CACNA1B: variants seen among roughly 807,000 people sequenced by gnomAD.
CACNA1B encodes calcium voltage-gated channel subunit alpha1 B.
CACNA1B carries 70 observed loss-of-function variants against 247.2 expected under a neutral mutation model. The observed-to-expected ratio is 0.28, with a 90% CI of 0.23 to 0.35. The LOEUF (loss-of-function observed/expected upper bound fraction) is 0.35, where lower values mean the gene tolerates loss of function less well. Ranked by LOEUF, CACNA1B falls within the 10% of genes least tolerant of loss-of-function variation. CACNA1B has a pLI of 1.00. For missense variants in CACNA1B, 2,367 were observed against 3,197.4 expected (o/e 0.74, Z 6.26); for synonymous variants, 1,231 against 1,294.4 (o/e 0.95, Z 1.05).
chr9:138,120,559 C>T lies in CACNA1B; in HGVS notation c.6239-72C>T, dbSNP rs1239332051. 9.7e-6 allele frequency: 14 copies of T among 1,446,112 alleles called. No individual in the cohort carries two copies. The South Asian group carries it at 1.6e-4, about 17-fold the overall frequency. The allele number at this position is 1,446,112 out of a possible 1,614,324, so 89.6% of individuals were successfully genotyped here. On this transcript the variant is annotated intron_variant, in intron 45 of 46. Transcript: ENST00000371372. ...TCCCCTGGCACCACCTGAATTCTGTCCTGCTGGGCCCGGGGGTCAGGGGTC... is the reference window on the plus strand; with the variant it reads ...TCCCCTGGCACCACCTGAATTCTGTTCTGCTGGGCCCGGGGGTCAGGGGTC...
At position 138,073,497 on chromosome 9, in the gene CACNA1B, A is replaced by G. The variant is rs777372685; in HGVS notation, c.4684A>G (p.Ile1562Val). The G allele has an allele frequency of 3.7e-6, 6 of 1,610,168 alleles. No individual in the cohort carries two copies. Among genetic ancestry groups the G allele is most frequent in the East Asian group, 2.2e-5 (1 of 44,856 alleles). Residue 1562 changes from isoleucine (I) to valine (V), a missense_variant, in exon 33 of 47, where the codon ATC becomes GTC. Transcript: ENST00000371372. The surrounding 1 kb of genome is among the most constrained non-coding windows in gnomAD (Gnocchi z 6.4). Reference protein sequence around the residue: ...VTEIAETNNFINLSFLRLFRA... With the variant: ...VTEIAETNNFVNLSFLRLFRA... ...TTCCTCTTCTCTGCAGAACAATTTC[A>G]TCAACCTCAGCTTCCTCCGCCTCTT...
At chr9:137,879,272 C>T (rs535283716) in intron 2 of CACNA1B, 113 bp downstream of exon 2, 5 of 675,492 alleles carry the variant, frequency 7.4e-6, no homozygotes, top group Admixed American at 2.5e-5. Context: ...TGGGCAGTGC[C>T]CCTCGCGTCT....
intron 9 of CACNA1B, 36 bp downstream of exon 9, chr9:137,956,863 G>A (rs202100197): frequency 3.8e-6 from 6 of 1,581,226 alleles, no homozygotes; most frequent in Non-Finnish European, 5.2e-6. Flanking sequence ...GTGTGGTGGA[G>A]TGCTCTGGTG....
rs1959227870 is a variant in CACNA1B at position 138,050,157 on chromosome 9, C to T, written c.3710+842C>T. ...TCCAGCAGCCCCTCTTGGGTCATTTCATCTCCAGCCTCACCCCCCGCCCAT... is the reference window on the plus strand; with the variant it reads ...TCCAGCAGCCCCTCTTGGGTCATTTTATCTCCAGCCTCACCCCCCGCCCAT... On this transcript the variant is annotated intron_variant, in intron 24 of 46. Coordinates refer to ENST00000371372, the MANE Select transcript of CACNA1B (RefSeq NM_000718.4). The surrounding 1 kb of genome is among the most constrained non-coding windows in gnomAD (Gnocchi z 5.2). 15 of 1,114,342 alleles carry T rather than the reference C, an allele frequency of 1.3e-5. No homozygotes were observed. The Admixed American group carries it at 3.0e-4, about 22-fold the overall frequency. The allele number at this position is 1,114,342 out of a possible 1,614,324, so 69.0% of individuals were successfully genotyped here.
intron 36 of CACNA1B, among the ~76,000 whole-genome samples, chr9:138,080,242 C>T (rs368755754): frequency 6.6e-6 from 1 of 151,996 alleles, no homozygotes; most frequent in African/African-American, 2.4e-5. Flanking sequence ...TTGTGCTGGA[C>T]GTGGGATCAA....
intron 3 of CACNA1B, among the ~76,000 whole-genome samples, chr9:137,885,800 C>T (rs148623095): frequency 1.6e-5 from 2 of 128,116 alleles, no homozygotes; most frequent in African/African-American, 3.0e-5. Flanking sequence ...TGCCGAGCTC[C>T]TGCTGCCCTG....
chr9:137,921,423 A>G (rs1372768435), intron 6 of CACNA1B, among the ~76,000 whole-genome samples: 1 of 151,414 alleles, frequency 6.6e-6, no homozygotes, highest in African/African-American at 2.4e-5. Context: ...GGTCAGCACC[A>G]CGACCGCACA....
At chr9:137,918,173 G>A (rs1957434151) in intron 6 of CACNA1B, among the ~76,000 whole-genome samples, 3 of 152,136 alleles carry the variant, frequency 2.0e-5, no homozygotes, top group Admixed American at 2.0e-4. Context: ...ACGGCAGCCT[G>A]GATTTGGTGG....
chr9:137,935,150 C>T (rs759450083), intron 6 of CACNA1B, among the ~76,000 whole-genome samples: 11 of 152,012 alleles, frequency 7.2e-5, no homozygotes, highest in Non-Finnish European at 1.3e-4. Flanking sequence ...ATGTGCACAA[C>T]GTGCAGATTT....
chr9:137,957,686 T>C lies in CACNA1B; in HGVS notation c.1332T>C (p.Val444=), dbSNP rs201644551. ...GEDRFADLCA[V]GSPFARASLK... Reference sequence around the variant, plus strand: ...ACCGGTTTGCAGATCTCTGTGCTGTTGGTGAGTCTCAGGGTGTCCCTCCAG... The same window carrying C: ...ACCGGTTTGCAGATCTCTGTGCTGTCGGTGAGTCTCAGGGTGTCCCTCCAG... The change falls in exon 10 of 47, where the codon GTT becomes GTC. Residue 444 remains valine (V), a splice_region_variant and synonymous_variant. Transcript: ENST00000371372. The surrounding 1 kb of genome is among the most constrained non-coding windows in gnomAD (Gnocchi z 4.7). The C allele has an allele frequency of 6.3e-7, 1 of 1,589,736 alleles. No homozygotes were observed.
chr9:138,013,919 C>G (rs963772339), intron 18 of CACNA1B, among the ~76,000 whole-genome samples: 1 of 152,204 alleles, frequency 6.6e-6, no homozygotes, highest in African/African-American at 2.4e-5. Context: ...TTACTGGGAG[C>G]TTGTTCTCTA....
rs1408225794 is a variant in CACNA1B at position 138,023,510 on chromosome 9, TC to T, written c.2771del (p.Pro924ArgfsTer85). On this transcript the variant is annotated frameshift_variant, in exon 19 of 47. Transcript: ENST00000371372. LOFTEE classifies it high-confidence loss of function. ...CGGCCGGCGGCACCACCGGCGCGGC[TC>T]CCCGGAGGAGGCGGCCGAGCGGGAG... is the stretch of plus-strand genomic sequence containing the variant. ...EGGRRHHRRG[S>X]PEEAAEREPR... The T allele has an allele frequency of 9.3e-7, 1 of 1,069,976 alleles. No homozygotes were observed. 66.3% of individuals were successfully genotyped at this position (1,069,976 alleles called of 1,614,324 possible).
chr9:138,038,183 T>C (rs1260715526), intron 20 of CACNA1B, among the ~76,000 whole-genome samples: 1 of 152,236 alleles, frequency 6.6e-6, no homozygotes, highest in Non-Finnish European at 1.5e-5. Context: ...GTATTTCAGT[T>C]CTTTGCAATC....
chr9:138,095,757 G>C (rs1440414559), intron 36 of CACNA1B, among the ~76,000 whole-genome samples: 4 of 152,190 alleles, frequency 2.6e-5, no homozygotes, highest in Non-Finnish European at 5.9e-5. Flanking sequence ...ATTACCACTG[G>C]AATGTTATTC....
intron 36 of CACNA1B, among the ~76,000 whole-genome samples, chr9:138,082,909 A>G (rs1285116151): frequency 6.6e-6 from 1 of 150,826 alleles, no homozygotes; most frequent in Non-Finnish European, 1.5e-5. Flanking sequence ...AGAGAATGGA[A>G]TGAAACACCA....
intron 15 of CACNA1B, among the ~76,000 whole-genome samples, chr9:138,000,194 G>A (rs1010588961): frequency 2.6e-5 from 4 of 151,428 alleles, no homozygotes; most frequent in Non-Finnish European, 5.9e-5. Context: ...CGCCTCCCGG[G>A]TTCACGCCAT....
Position 137,917,441 on chromosome 9 carries a change from G to A in CACNA1B, c.966+10G>A, listed in dbSNP as rs201736969. The stretch of plus-strand genomic sequence containing the variant: ...TGACATCCTCTATAATGTGAGTGGC[G>A]TCTTGGCCCTGGGCCTGAGGGCAGG... On this transcript the variant is annotated intron_variant, in intron 6 of 46. Coordinates refer to ENST00000371372, the MANE Select transcript of CACNA1B (RefSeq NM_000718.4). This position sits in a 1 kb window ranked among gnomAD's most constrained non-coding sequence, Gnocchi z 5.5. 45 of 1,611,102 alleles carry A rather than the reference G, an allele frequency of 2.8e-5. No individual in the cohort carries two copies. The highest frequency in any genetic ancestry group is 3.4e-4 in the Middle Eastern group (2 of 5,938).
intron 23 of CACNA1B, among the ~76,000 whole-genome samples, chr9:138,048,879 G>A (rs1203218705): frequency 6.6e-6 from 1 of 152,128 alleles, no homozygotes; most frequent in Non-Finnish European, 1.5e-5. Context: ...CACCACACCC[G>A]GCTAATTTTT....
At position 137,952,434 on chromosome 9, in the gene CACNA1B, C is replaced by A; in HGVS notation, c.1070+57C>A. The A allele has an allele frequency of 1.4e-6, 2 of 1,397,584 alleles. No individual in the cohort carries two copies. Among genetic ancestry groups the A allele is most frequent in the Non-Finnish European group, 2.0e-6 (2 of 984,666 alleles). 86.6% of individuals were successfully genotyped at this position (1,397,584 alleles called of 1,614,324 possible). Reference sequence around the variant, plus strand: ...CCCTCTGTGTTCTCAGCTGAGGGGTCAACAGGGGCACGTGTGACACTTGGG... The same window carrying A: ...CCCTCTGTGTTCTCAGCTGAGGGGTAAACAGGGGCACGTGTGACACTTGGG... On this transcript the variant is annotated intron_variant, in intron 7 of 46. Coordinates refer to ENST00000371372, the MANE Select transcript of CACNA1B (RefSeq NM_000718.4). This position sits in a 1 kb window ranked among gnomAD's most constrained non-coding sequence, Gnocchi z 4.8.
Sources: gnomAD v4.1 joint callset for allele counts (sites outside exome capture counted in the v4.1 genomes callset) on GRCh38, gnomAD v4.1.1 for gene constraint, Gnocchi (gnomAD v3.1) non-coding constraint, MANE v1.5 for transcripts, NCBI Gene and HGNC (gene_info 2026-07-23, HGNC 2026-07-21) for gene names.